Variants in LHFPL3 observed in about 807,000 individuals in gnomAD.
LHFPL3 encodes LHFPL tetraspan subfamily member 3.
In LHFPL3, 5 loss-of-function variants were observed where a neutral mutation model predicts 19.3. The ratio of observed to expected loss-of-function variants is 0.26; its 90% CI spans 0.14 to 0.54. The LOEUF is 0.54. LHFPL3 is among the 20% of genes least tolerant of loss of function. The probability of loss-of-function intolerance (pLI) is 0.94; values close to 1 mark genes in which losing one functional copy is unlikely to be tolerated. For missense variants in LHFPL3, 249 were observed against 307.4 expected, an observed-to-expected ratio of 0.81 and a Z score of 1.42; for synonymous variants, 133 against 126.2, an observed-to-expected ratio of 1.05 and a Z score of -0.36.
At chr7:104,510,199 A>C (rs1369498278) in intron 1 of LHFPL3, among the ~76,000 whole-genome samples, 1 of 152,170 alleles carries the variant, frequency 6.6e-6, no homozygotes, top group African/African-American at 2.4e-5. Context: ...TCAAAATCTC[A>C]GCAAGACTTT....
At chr7:104,888,179 G>C (rs1792185911) in intron 2 of LHFPL3, among the ~76,000 whole-genome samples, 2 of 152,082 alleles carry the variant, frequency 1.3e-5, no homozygotes, top group Admixed American at 6.6e-5. Flanking sequence ...TTCATGTTTG[G>C]ACATATTTTT....
intron 1 of LHFPL3, among the ~76,000 whole-genome samples, chr7:104,346,075 G>A (rs1790059621): frequency 7.3e-6 from 1 of 137,342 alleles, no homozygotes; most frequent in Admixed American, 7.8e-5. Flanking sequence ...TCTCTCTGTT[G>A]CCCAGGCTGG....
rs116288853 is a variant in LHFPL3, at chr7:104,599,730, G to A, written c.446-136945G>A. 2.6e-3 allele frequency among the ~76,000 whole-genome samples: 403 copies of A among 152,226 alleles called. 4 individuals carry two copies. The highest frequency in any genetic ancestry group is 9.1e-3 in the African/African-American group (380 of 41,536). ...CCAGGTATTAGGGAAACATTACAGAGGGACCTCAAAACAGCTTATTTTCAT... is the reference window on the plus strand; with the variant it reads ...CCAGGTATTAGGGAAACATTACAGAAGGACCTCAAAACAGCTTATTTTCAT... On this transcript the variant is annotated intron_variant, in intron 1 of 2. Coordinates refer to ENST00000424859, the MANE Select transcript of LHFPL3 (RefSeq NM_199000.3).
At chr7:104,412,259 C>T (rs1032891922) in intron 1 of LHFPL3, among the ~76,000 whole-genome samples, 3 of 152,006 alleles carry the variant, frequency 2.0e-5, no homozygotes, top group Admixed American at 1.3e-4. Flanking sequence ...CTCCATTTTT[C>T]AGATGAGGAG....
intron 1 of LHFPL3, among the ~76,000 whole-genome samples, chr7:104,607,527 A>G (rs1261825052): frequency 6.6e-6 from 1 of 152,236 alleles, no homozygotes; most frequent in Non-Finnish European, 1.5e-5. Flanking sequence ...ATAAGTCATC[A>G]CCATGAGTAA....
At chr7:104,710,055 C>T (rs1793271598) in intron 1 of LHFPL3, among the ~76,000 whole-genome samples, 1 of 152,226 alleles carries the variant, frequency 6.6e-6, no homozygotes, top group South Asian at 2.1e-4. Flanking sequence ...GTGAGCGAGA[C>T]TCCGTCTGCA....
At chr7:104,645,564 A>G (rs572263159) in intron 1 of LHFPL3, among the ~76,000 whole-genome samples, 63 of 151,972 alleles carry the variant, frequency 4.1e-4, no homozygotes, top group African/African-American at 1.4e-3. Context: ...GAAATCATGT[A>G]TAAATGCAGC....
chr7:104,519,993 A>G (rs765656428), intron 1 of LHFPL3, among the ~76,000 whole-genome samples: 4 of 152,014 alleles, frequency 2.6e-5, no homozygotes, highest in Non-Finnish European at 5.9e-5. Context: ...AAAGAAAATT[A>G]GTGGTGAGAA....
chr7:104,879,802 A>G (rs1012361111), intron 2 of LHFPL3, among the ~76,000 whole-genome samples: 4 of 152,250 alleles, frequency 2.6e-5, no homozygotes. Context: ...ACGTGGCTAC[A>G]CCAAATAACA....
chr7:104,436,859 C>G (rs537497482), intron 1 of LHFPL3, among the ~76,000 whole-genome samples: 2 of 152,198 alleles, frequency 1.3e-5, no homozygotes, highest in East Asian at 1.9e-4. Flanking sequence ...TTAAGTGATT[C>G]CTACTAAAAT....
intron 2 of LHFPL3, among the ~76,000 whole-genome samples, chr7:104,818,032 G>A (rs1001834098): frequency 6.6e-6 from 1 of 152,132 alleles, no homozygotes; most frequent in Non-Finnish European, 1.5e-5. Context: ...CACAGATACA[G>A]AACATTTCCG....
intron 1 of LHFPL3, among the ~76,000 whole-genome samples, chr7:104,497,458 CAATA>C (rs1273970755): frequency 6.6e-6 from 1 of 151,752 alleles, no homozygotes; most frequent in Non-Finnish European, 1.5e-5. Context: ...GGTAGAACAA[CAATA>C]AAGCCAACTG....
intron 1 of LHFPL3, among the ~76,000 whole-genome samples, chr7:104,556,523 G>A (rs1035104517): frequency 6.6e-6 from 1 of 152,190 alleles, no homozygotes; most frequent in Non-Finnish European, 1.5e-5. Context: ...ATACGGTCAA[G>A]TCCCTAGACT....
At chr7:104,765,025 C>A (rs1232840632) in intron 2 of LHFPL3, among the ~76,000 whole-genome samples, 1 of 152,170 alleles carries the variant, frequency 6.6e-6, no homozygotes, top group African/African-American at 2.4e-5. Context: ...GTAAATGGAG[C>A]TAAATCTCTT....
chr7:104,730,641 A>G (rs1223159926), intron 1 of LHFPL3, among the ~76,000 whole-genome samples: 1 of 152,202 alleles, frequency 6.6e-6, no homozygotes, highest in Non-Finnish European at 1.5e-5. Context: ...GATTCTGGAT[A>G]TTAGCCCTTT....
intron 1 of LHFPL3, among the ~76,000 whole-genome samples, chr7:104,650,735 A>T (rs1792016560): frequency 6.6e-6 from 1 of 152,212 alleles, no homozygotes. Flanking sequence ...GGTAGACAAT[A>T]CACAGTACAT....
chr7:104,621,250 C>G (rs771087750), intron 1 of LHFPL3, among the ~76,000 whole-genome samples: 5 of 152,144 alleles, frequency 3.3e-5, no homozygotes, highest in Non-Finnish European at 7.3e-5. Flanking sequence ...TTACTTGAAT[C>G]GGGGTTTTCT....
At chr7:104,518,170 A>G (rs1031420315) in intron 1 of LHFPL3, among the ~76,000 whole-genome samples, 1 of 152,224 alleles carries the variant, frequency 6.6e-6, no homozygotes, top group Non-Finnish European at 1.5e-5. Flanking sequence ...ATCAAAATTT[A>G]TAATTTATAC....
intron 1 of LHFPL3, among the ~76,000 whole-genome samples, chr7:104,334,462 A>C (rs977509167): frequency 1.3e-5 from 2 of 152,188 alleles, no homozygotes; most frequent in Non-Finnish European, 2.9e-5. Flanking sequence ...CAGGCGAATC[A>C]CTTGAACCCG....
Sources: allele counts gnomAD v4.1 joint callset (sites outside exome capture counted in the v4.1 genomes callset), GRCh38; gene constraint gnomAD v4.1.1; transcripts MANE v1.5; gene names NCBI Gene and HGNC (gene_info 2026-07-23, HGNC 2026-07-21).